Variants in CCDC88A observed in about 807,000 individuals in gnomAD.
The protein encoded by CCDC88A is girdin.
A neutral mutation model predicts 234.3 loss-of-function variants in CCDC88A; 54 were observed. That is an observed-to-expected ratio of 0.23 (90% CI 0.19 to 0.29). The LOEUF (loss-of-function observed/expected upper bound fraction) is 0.29. Ranked by LOEUF, CCDC88A falls within the 10% of genes least tolerant of loss-of-function variation. CCDC88A has a pLI of 1.00. For missense variants in CCDC88A, 1,832 were observed against 2,123.4 expected, an observed-to-expected ratio of 0.86 and a Z score of 2.70; for synonymous variants, 753 against 737.8, an observed-to-expected ratio of 1.02 and a Z score of -0.33.
chr2:55,308,956 G>A lies in CCDC88A; in HGVS notation c.4240C>T (p.Arg1414Cys), dbSNP rs752512699. Residue 1414 changes from arginine to cysteine, a missense_variant, in exon 25 of 33, where the codon CGC becomes TGC. Coordinates refer to ENST00000436346, the MANE Select transcript of CCDC88A (RefSeq NM_001365480.1). ...IKSKKDINRE[R>C]QKSLTLTPTR... ...GGTGTTAATGTTAGAGATTTCTGGC[G>A]TTCCCGATTAATATCTTTCTTAGAC... The A allele has an allele frequency of 7.4e-6, 12 of 1,613,956 alleles. No homozygotes were observed. Among genetic ancestry groups the A allele is most frequent in the East Asian group, 2.2e-5 (1 of 44,864 alleles).
At chr2:55,408,007 C>T (rs533309915) in intron 2 of CCDC88A, among the ~76,000 whole-genome samples, 73 of 151,984 alleles carry the variant, frequency 4.8e-4, no homozygotes, top group Non-Finnish European at 8.7e-4. Flanking sequence ...TGTGAGCCAC[C>T]GCGCCTGGCC....
intron 21 of CCDC88A, among the ~76,000 whole-genome samples, 188 bp from the exon 22 acceptor site, chr2:55,316,302 C>T (rs975982014): frequency 6.6e-6 from 1 of 152,128 alleles, no homozygotes. Context: ...TTCTGAGTAC[C>T]TTTCCCTTGA....
chr2:55,318,999 A>G lies in CCDC88A; in HGVS notation c.3168T>C (p.Ala1056=), dbSNP rs1476559546. 1 of 1,611,260 alleles carries G rather than the reference A, an allele frequency of 6.2e-7. No individual in the cohort carries two copies. Among genetic ancestry groups the G allele is most frequent in the Non-Finnish European group, 8.5e-7 (1 of 1,178,448 alleles). ...DRLIEVERNN[A]TLQAEKQALK... ...ACGCTTGCTTCTCTGCTTGCAGTGT[A>G]GCATTCTTGAAAAACAAAAACCAAA... The change falls in exon 19 of 33, where the codon GCT becomes GCC. Residue 1056 remains alanine, a synonymous_variant. Transcript: ENST00000436346.
At chr2:55,310,710 T>C (rs575219044) in intron 23 of CCDC88A, among the ~76,000 whole-genome samples, 2 of 152,328 alleles carry the variant, frequency 1.3e-5, no homozygotes, top group East Asian at 1.9e-4. Flanking sequence ...GAAGATGCCT[T>C]GTGAACAGAT....
chr2:55,384,245 T>C (rs1422988020), intron 3 of CCDC88A, among the ~76,000 whole-genome samples: 1 of 143,972 alleles, frequency 6.9e-6, no homozygotes, highest in Non-Finnish European at 1.5e-5. Context: ...AAAAAAAAAA[T>C]CCAGGTGGGG....
rs555628900 is a variant in CCDC88A, at chr2:55,315,663, A to G, written c.3933+265T>C. 5 of 248,160 alleles carry G rather than the reference A, an allele frequency of 2.0e-5. No homozygotes were observed. In the South Asian group the frequency reaches 6.9e-4, roughly 34 times the overall value. 15.4% of individuals were successfully genotyped at this position (248,160 alleles called of 1,614,324 possible). A position where few individuals can be genotyped will look rare whatever the true frequency, so the allele number is the denominator to read the frequency against. ...TGGTTTATAATTTCATGCCAGGTGT[A>G]AACATTTTTTCATTAAATGAATAAT... On this transcript the variant is annotated intron_variant, in intron 22 of 32. Transcript: ENST00000436346.
At chr2:55,347,246 T>C (rs998067653) in intron 9 of CCDC88A, among the ~76,000 whole-genome samples, 9 of 152,190 alleles carry the variant, frequency 5.9e-5, no homozygotes, top group African/African-American at 2.2e-4. Context: ...AAAAGCCTTA[T>C]TGTAATCCTT....
intron 19 of CCDC88A, 36 bp downstream of exon 19, chr2:55,318,807 G>A (rs748255208): frequency 2.5e-5 from 38 of 1,494,830 alleles, no homozygotes; most frequent in Non-Finnish European, 3.3e-5. Flanking sequence ...TAATTCAAGA[G>A]TTTGGTTGCA....
chr2:55,295,286 A>T (rs2589110), intron 31 of CCDC88A: 1 of 1,403,084 alleles, frequency 7.1e-7, no homozygotes, highest in Non-Finnish European at 9.5e-7. Flanking sequence ...TTATTCTGAT[A>T]ACTGGCCTAG....
chr2:55,349,283 A>C (rs1449564208), intron 9 of CCDC88A: 1 of 455,756 alleles, frequency 2.2e-6, no homozygotes, highest in Admixed American at 4.1e-5. Flanking sequence ...GAACTACCTC[A>C]GTCCTAAGTA....
rs1039547324 is a variant in CCDC88A, at chr2:55,349,366, G to T, written c.882+152C>A. 5.0e-6 allele frequency: 3 copies of T among 601,792 alleles called. No individual in the cohort carries two copies. The African/African-American group carries it at 5.7e-5, about 11-fold the overall frequency. The allele number at this position is 601,792 out of a possible 1,614,324, so 37.3% of individuals were successfully genotyped here. A position where few individuals can be genotyped will look rare whatever the true frequency, so the allele number is the denominator to read the frequency against. On this transcript the variant is annotated intron_variant, in intron 9 of 32. Coordinates refer to ENST00000436346, the MANE Select transcript of CCDC88A (RefSeq NM_001365480.1). Reference sequence around the variant, plus strand: ...AGTTTGGCTCTGACATTTTTGAAGAGAGAGACTCTGAAAAAGTCATCCAAT... The same window carrying T: ...AGTTTGGCTCTGACATTTTTGAAGATAGAGACTCTGAAAAAGTCATCCAAT...
intron 22 of CCDC88A, chr2:55,312,964 C>T (rs549606107): frequency 6.0e-6 from 1 of 165,592 alleles, no homozygotes. Flanking sequence ...ATGAGGATAG[C>T]TCCCACCCAA....
chr2:55,302,794 G>T, intron 26 of CCDC88A: 1 of 225,940 alleles, frequency 4.4e-6, no homozygotes, highest in Non-Finnish European at 8.7e-6. Context: ...TAAAATAAAG[G>T]GTTTTTTTCC....
rs189057542 is a variant in CCDC88A at position 55,298,987 on chromosome 2, G to A, written c.4825+852C>T. On this transcript the variant is annotated intron_variant, in intron 29 of 32. Coordinates refer to ENST00000436346, the MANE Select transcript of CCDC88A (RefSeq NM_001365480.1). ...GGCCAAGGCAGGTGGATCACCTGAG[G>A]TCAGGAGTTCAAGACCAGCCTGGTT... 3.2e-4 allele frequency among the ~76,000 whole-genome samples: 48 copies of A among 152,162 alleles called. 1 individual carries two copies. The East Asian group carries it at 6.6e-3, about 21-fold the overall frequency.
rs374942394 is a variant in CCDC88A, at chr2:55,322,599, C to T, written c.3091G>A (p.Glu1031Lys). 3 of 1,608,550 alleles carry T rather than the reference C, an allele frequency of 1.9e-6. No homozygotes were observed. The highest frequency in any genetic ancestry group is 2.6e-6 in the Non-Finnish European group (3 of 1,175,640). The change falls in exon 18 of 33, where the codon GAG becomes AAG. Residue 1031 changes from glutamate to lysine, a missense_variant. Transcript: ENST00000436346. ...CTAGTCGTTTCTTGACTTTCTCGCT[C>T]CCATTTGTTGTCTTCACCAGATATT... ...PPISGEDNKW[E>K]RESQETTREL...
rs1029622946 is a variant in CCDC88A, at chr2:55,289,823, G to A, written c.*1377C>T. 2.6e-5 allele frequency: 4 copies of A among 151,554 alleles called. No homozygotes were observed. The highest frequency in any genetic ancestry group is 2.4e-5 in the African/African-American group (1 of 41,194). The allele number at this position is 151,554 out of a possible 1,614,324, so 9.4% of individuals were successfully genotyped here. On this transcript the variant is annotated 3_prime_UTR_variant, in exon 33 of 33. Transcript: ENST00000436346. ...AGAGAGACTTTTCTTATGGTTACTG[G>A]GTTAGTGATGAAACCCACAACTCAT...
intron 28 of CCDC88A, 125 bp from the exon 29 acceptor site, chr2:55,300,044 C>T (rs1197087685): frequency 3.0e-6 from 2 of 676,482 alleles, no homozygotes; most frequent in Non-Finnish European, 5.2e-6. Flanking sequence ...GATGAGCATG[C>T]CCAGATTAGA....
intron 3 of CCDC88A, among the ~76,000 whole-genome samples, chr2:55,375,497 ATATATATATATATATGTATG>A (rs1427836929): frequency 0.12 from 2,741 of 23,104 alleles, 93 homozygotes; most frequent in Middle Eastern, 0.27. Flanking sequence ...ATATATATAT[ATATATATATATATATGTATG>A]TATGTATAAA....
In CCDC88A at chr2:55,291,754, C is replaced by G; in HGVS notation, c.5573G>C (p.Ser1858Thr). ...AASNVDKVQE[S>T]RNSKSRSREQ... is the part of the protein sequence containing the mutation. Reference sequence around the variant, plus strand: ...CCTAGACCTGCTTTTTGAATTTCTGCTTTCTTGTACTTTGTCCACATCTGC... The same window carrying G: ...CCTAGACCTGCTTTTTGAATTTCTGGTTTCTTGTACTTTGTCCACATCTGC... Residue 1858 changes from serine (S) to threonine (T), a missense_variant, in exon 32 of 33, where the codon AGC becomes ACC. Physicochemically the swap from Ser to Thr is moderately conservative, Grantham distance 58. This residue lies in a region of CCDC88A where 422 missense variants were observed against 416.5 expected (regional missense o/e 1.01). Transcript: ENST00000436346. 1 of 1,611,978 alleles carries G rather than the reference C, an allele frequency of 6.2e-7. No homozygotes were observed. Among genetic ancestry groups the G allele is most frequent in the Admixed American group, 1.7e-5 (1 of 59,828 alleles).
Sources: gnomAD v4.1 joint callset for allele counts (sites outside exome capture counted in the v4.1 genomes callset) on GRCh38, gnomAD v4.1.1 for gene constraint, gnomAD v4.1.1 regional missense constraint, MANE v1.5 for transcripts, NCBI Gene and HGNC (gene_info 2026-07-23, HGNC 2026-07-21) for gene names.